The following TMEM38B variants were observed in gnomAD, a reference collection of about 807,000 sequenced individuals.
TMEM38B encodes the protein trimeric intracellular cation channel type B.
Under a neutral mutation model 28.7 loss-of-function variants are expected in TMEM38B, and 24 were observed. The observed-to-expected ratio is 0.84, with a 90% confidence interval of 0.61 to 1.18. The LOEUF (loss-of-function observed/expected upper bound fraction) is 1.18, where lower values mean the gene tolerates loss of function less well. TMEM38B is among the 50% of genes most tolerant of loss of function. The pLI is 0.00. For missense variants in TMEM38B, 380 were observed against 350.9 expected, an observed-to-expected ratio of 1.08 and a Z score of -0.66; for synonymous variants, 131 against 127.7, an observed-to-expected ratio of 1.03 and a Z score of -0.17.
intron 3 of TMEM38B, 130 bp downstream of exon 3, chr9:105,721,851 C>T (rs567297811): frequency 1.4e-6 from 1 of 691,332 alleles, no homozygotes; most frequent in Non-Finnish European, 2.2e-6. Flanking sequence ...AAGGTAAAAA[C>T]CTTGTTTCTG....
At chr9:105,702,265 G>T (rs1022868739) in intron 1 of TMEM38B, among the ~76,000 whole-genome samples, 1 of 152,126 alleles carries the variant, frequency 6.6e-6, no homozygotes, top group Non-Finnish European at 1.5e-5. Flanking sequence ...AAAGACTAAA[G>T]CAAAAGTAAA....
At chr9:105,733,462 T>C (rs140803978) in intron 4 of TMEM38B, among the ~76,000 whole-genome samples, 348 of 147,480 alleles carry the variant, frequency 2.4e-3, no homozygotes, top group African/African-American at 8.4e-3. Context: ...GTATTAGGCA[T>C]GAGCTGATGA....
At chr9:105,738,715 CTTTTT>C (rs71489351) in intron 4 of TMEM38B, among the ~76,000 whole-genome samples, 10 of 109,688 alleles carry the variant, frequency 9.1e-5, no homozygotes, top group Admixed American at 7.9e-4. Flanking sequence ...TAATTTTTTC[CTTTTT>C]TTTTTTTTTT....
chr9:105,738,830 G>A (rs559372045), intron 4 of TMEM38B, among the ~76,000 whole-genome samples: 24 of 144,088 alleles, frequency 1.7e-4, no homozygotes, highest in African/African-American at 5.3e-4. Context: ...CAATCCCCCC[G>A]TCTCAGCCTC....
At position 105,752,952 on chromosome 9, in the gene TMEM38B, T is replaced by C. The variant is rs558535225; in HGVS notation, c.660+4762T>C. Among the ~76,000 whole-genome samples, 9 of 152,238 alleles carry C rather than the reference T, an allele frequency of 5.9e-5. No homozygotes were observed. In the East Asian group the frequency reaches 1.4e-3, roughly 23 times the overall value. On this transcript the variant is annotated intron_variant, in intron 5 of 5. Transcript: ENST00000374692. The stretch of plus-strand genomic sequence containing the variant: ...ACGATAAAGGAGCTGATAGCTAGAA[T>C]AGCCAGTTTAGAGAGGAACATAATT...
intron 4 of TMEM38B, among the ~76,000 whole-genome samples, chr9:105,734,779 G>A (rs112259144): frequency 1.3e-3 from 199 of 151,310 alleles, no homozygotes; most frequent in African/African-American, 4.6e-3. Flanking sequence ...CCATTTGCAT[G>A]GAATATGTTT....
chr9:105,706,879 C>A (rs1274847484), intron 2 of TMEM38B, among the ~76,000 whole-genome samples: 2 of 151,998 alleles, frequency 1.3e-5, no homozygotes, highest in Non-Finnish European at 1.5e-5. Flanking sequence ...TGGGTTCAAG[C>A]GATTCTCCTG....
At chr9:105,766,905 G>T (rs1452173018) in intron 5 of TMEM38B, among the ~76,000 whole-genome samples, 2 of 70,044 alleles carry the variant, frequency 2.9e-5, no homozygotes, top group African/African-American at 1.2e-4. Context: ...CCCACCCCAC[G>T]ACAGGCCCCG....
intron 2 of TMEM38B, among the ~76,000 whole-genome samples, chr9:105,712,001 T>C (rs1344490252): frequency 6.6e-6 from 1 of 152,136 alleles, no homozygotes; most frequent in African/African-American, 2.4e-5. Context: ...CACTGCAATT[T>C]CTGCCTCCCA....
chr9:105,760,878 G>C (rs1272530526), intron 5 of TMEM38B: 1 of 559,672 alleles, frequency 1.8e-6, no homozygotes, highest in Non-Finnish European at 3.1e-6. Context: ...ATTATGTAAG[G>C]AAGTACCAAA....
intron 5 of TMEM38B, 35 bp from the exon 6 acceptor site, chr9:105,773,830 G>T: frequency 1.3e-6 from 2 of 1,572,382 alleles, no homozygotes; most frequent in African/African-American, 1.4e-5. Context: ...GAAATCATTT[G>T]TATTTAAATT....
chr9:105,761,655 A>T (rs748900300), intron 5 of TMEM38B, among the ~76,000 whole-genome samples: 1 of 152,222 alleles, frequency 6.6e-6, no homozygotes, highest in Non-Finnish European at 1.5e-5. Context: ...GACTTCTATG[A>T]TGATGGAACA....
rs1209900908 is a variant in TMEM38B, at chr9:105,722,495, A to T, written c.455-39A>T. ...CCCTTTAAATATGTTTTACAGGAAA[A>T]TTTGGCCAAATATTCTTGTTTTATT... On this transcript the variant is annotated intron_variant, in intron 3 of 5. Coordinates refer to ENST00000374692, the MANE Select transcript of TMEM38B (RefSeq NM_018112.3). 6 of 1,531,572 alleles carry T rather than the reference A, an allele frequency of 3.9e-6. No individual in the cohort carries two copies. The Admixed American group carries it at 1.0e-4, about 26-fold the overall frequency. 94.9% of individuals were successfully genotyped at this position (1,531,572 alleles called of 1,614,324 possible).
At chr9:105,731,508 C>G (rs553852911) in intron 4 of TMEM38B, among the ~76,000 whole-genome samples, 1 of 152,150 alleles carries the variant, frequency 6.6e-6, no homozygotes, top group East Asian at 1.9e-4. Context: ...ACCCTGTGTC[C>G]AAGTGTTCTC....
chr9:105,768,697 T>A (rs371238406), intron 5 of TMEM38B, among the ~76,000 whole-genome samples: 2 of 152,302 alleles, frequency 1.3e-5, no homozygotes, highest in African/African-American at 4.8e-5. Flanking sequence ...AAATTGTTGA[T>A]AATAGTTTTT....
chr9:105,729,591 A>G (rs1356239974), intron 4 of TMEM38B, among the ~76,000 whole-genome samples: 1 of 152,062 alleles, frequency 6.6e-6, no homozygotes, highest in Non-Finnish European at 1.5e-5. Context: ...TATAAACTTT[A>G]AAGTAGTTTT....
chr9:105,737,024 AT>A (rs1240169638), intron 4 of TMEM38B, among the ~76,000 whole-genome samples: 1 of 152,136 alleles, frequency 6.6e-6, no homozygotes, highest in East Asian at 1.9e-4. Flanking sequence ...AGCTGAGGGG[AT>A]CCTTCTTGGT....
In TMEM38B at chr9:105,774,910, TGTA is replaced by T. The variant is rs1826678461; in HGVS notation, c.*832_*834del. The T allele has an allele frequency of 6.6e-6, 1 of 152,104 alleles. No individual in the cohort carries two copies. The highest frequency in any genetic ancestry group is 1.5e-5 in the Non-Finnish European group (1 of 67,958). 9.4% of individuals were successfully genotyped at this position (152,104 alleles called of 1,614,324 possible). A position where few individuals can be genotyped will look rare whatever the true frequency, so the allele number is the denominator to read the frequency against. ...CTCATAAAAACACATTTGTTTTAATTGTAGGAGAAATTTTCTCAGCATTTTGCA... is the reference window on the plus strand; with the variant it reads ...CTCATAAAAACACATTTGTTTTAATTGGAGAAATTTTCTCAGCATTTTGCA... On this transcript the variant is annotated 3_prime_UTR_variant, in exon 6 of 6. Transcript: ENST00000374692.
At chr9:105,705,406 C>T (rs1431634983) in intron 1 of TMEM38B, among the ~76,000 whole-genome samples, 191 bp from the exon 2 acceptor site, 1 of 152,152 alleles carries the variant, frequency 6.6e-6, no homozygotes, top group Non-Finnish European at 1.5e-5. Context: ...CACCCATTAA[C>T]AAAATGTTTC....
Sources: gnomAD v4.1 joint callset for allele counts (sites outside exome capture counted in the v4.1 genomes callset) on GRCh38, gnomAD v4.1.1 for gene constraint, MANE v1.5 for transcripts, NCBI Gene and HGNC (gene_info 2026-07-23, HGNC 2026-07-21) for gene names.